CDH13: variants seen among roughly 807,000 people sequenced by gnomAD.
CDH13 encodes the protein cadherin-13.
A neutral mutation model predicts 63.8 loss-of-function variants in CDH13; 24 were observed. The ratio of observed to expected loss-of-function variants is 0.38; its 90% CI spans 0.27 to 0.53. The LOEUF (loss-of-function observed/expected upper bound fraction) is 0.53, where lower values mean the gene tolerates loss of function less well. Among genes scored for constraint, CDH13 ranks in the 20% least tolerant of loss-of-function variants. The pLI, the probability that CDH13 is intolerant of heterozygous loss-of-function variation, is 0.85. For missense variants in CDH13, 1,049 were observed against 903.1 expected, an observed-to-expected ratio of 1.16 and a Z score of -2.07; for synonymous variants, 503 against 355.3, an observed-to-expected ratio of 1.42 and a Z score of -4.67.
At chr16:82,716,460 G>A (rs760609481) in intron 1 of CDH13, among the ~76,000 whole-genome samples, 1 of 151,548 alleles carries the variant, frequency 6.6e-6, no homozygotes, top group Non-Finnish European at 1.5e-5. Flanking sequence ...GTCACAAATA[G>A]AGCCAAAAGA....
At chr16:83,395,379 G>C (rs8052043) in intron 6 of CDH13, among the ~76,000 whole-genome samples, 4 of 151,772 alleles carry the variant, frequency 2.6e-5, no homozygotes, top group African/African-American at 7.3e-5. Context: ...TTAGACATCC[G>C]AGTTCTTCTG....
intron 6 of CDH13, among the ~76,000 whole-genome samples, chr16:83,405,293 C>T (rs961122283): frequency 1.3e-5 from 2 of 152,148 alleles, no homozygotes; most frequent in Admixed American, 6.5e-5. Context: ...AGTACTAATT[C>T]CTGGGGCCTG....
intron 2 of CDH13, among the ~76,000 whole-genome samples, chr16:82,987,732 C>G (rs141059378): frequency 6.6e-6 from 1 of 152,144 alleles, no homozygotes; most frequent in Admixed American, 6.5e-5. Flanking sequence ...CTGGTTGAAT[C>G]GCAAAGAGTG....
chr16:83,320,422 T>C (rs544446869), intron 5 of CDH13, among the ~76,000 whole-genome samples: 2 of 152,300 alleles, frequency 1.3e-5, no homozygotes, highest in East Asian at 3.9e-4. Flanking sequence ...GTATAAGCTG[T>C]GTTGTCACCC....
At chr16:83,142,792 C>G (rs912658869) in intron 4 of CDH13, among the ~76,000 whole-genome samples, 1 of 152,000 alleles carries the variant, frequency 6.6e-6, no homozygotes, top group African/African-American at 2.4e-5. Context: ...CTCCAGTGGT[C>G]TCTCTACAAG....
intron 5 of CDH13, among the ~76,000 whole-genome samples, chr16:83,233,421 A>G (rs551804193): frequency 1.3e-5 from 2 of 152,252 alleles, no homozygotes; most frequent in Non-Finnish European, 1.5e-5. Context: ...TTAGTTTTCT[A>G]TTTCTGCCCA....
At chr16:83,141,301 C>A (rs1023669873) in intron 4 of CDH13, among the ~76,000 whole-genome samples, 3 of 152,124 alleles carry the variant, frequency 2.0e-5, no homozygotes, top group Non-Finnish European at 2.9e-5. Flanking sequence ...TTGCCTACAC[C>A]CAGTATTCTG....
In CDH13 at chr16:82,627,012, A is replaced by G. The variant is rs1907348390; in HGVS notation, c.-81A>G. 2 of 1,510,686 alleles carry G rather than the reference A, an allele frequency of 1.3e-6. No individual in the cohort carries two copies. The highest frequency in any genetic ancestry group is 1.8e-6 in the Non-Finnish European group (2 of 1,109,346). 93.6% of individuals were successfully genotyped at this position (1,510,686 alleles called of 1,614,324 possible). A position where few individuals can be genotyped will look rare whatever the true frequency, so the allele number is the denominator to read the frequency against. On this transcript the variant is annotated 5_prime_UTR_variant, in exon 1 of 14. Transcript: ENST00000567109. The stretch of plus-strand genomic sequence containing the variant: ...CTGGCGAGGCAGAGCCTCTCCTCAA[A>G]GCCTGGCTCCCACGGAAAATATGCT...
chr16:83,452,179 T>C (rs2072903677), intron 6 of CDH13, among the ~76,000 whole-genome samples: 1 of 152,192 alleles, frequency 6.6e-6, no homozygotes. Context: ...ATTGGAAATA[T>C]TTTCATAAAA....
intron 1 of CDH13, among the ~76,000 whole-genome samples, chr16:82,687,604 C>G (rs967679028): frequency 3.3e-5 from 5 of 152,178 alleles, no homozygotes; most frequent in African/African-American, 1.2e-4. Flanking sequence ...TTCACTATCA[C>G]AAGAACAGCA....
At chr16:83,653,451 T>A (rs1461707457) in intron 8 of CDH13, among the ~76,000 whole-genome samples, 1 of 151,986 alleles carries the variant, frequency 6.6e-6, no homozygotes, top group East Asian at 1.9e-4. Flanking sequence ...GCTGTTTTTT[T>A]TTTTTCCTCC....
At chr16:82,965,230 C>G (rs988164643) in intron 2 of CDH13, among the ~76,000 whole-genome samples, 5 of 152,168 alleles carry the variant, frequency 3.3e-5, no homozygotes, top group Non-Finnish European at 7.3e-5. Context: ...TGTCTTTTTA[C>G]TAATACTTTG....
chr16:82,921,976 T>C (rs2042170069), intron 2 of CDH13, among the ~76,000 whole-genome samples: 1 of 152,194 alleles, frequency 6.6e-6, no homozygotes, highest in African/African-American at 2.4e-5. Context: ...TTTAATTTCT[T>C]CTTGAACCAG....
At chr16:82,832,077 A>G (rs902737933) in intron 1 of CDH13, among the ~76,000 whole-genome samples, 1 of 152,214 alleles carries the variant, frequency 6.6e-6, no homozygotes, top group Non-Finnish European at 1.5e-5. Flanking sequence ...TGTGACCCTT[A>G]TCTTATAATT....
At chr16:82,915,721 C>T (rs188531961) in intron 2 of CDH13, among the ~76,000 whole-genome samples, 5 of 151,924 alleles carry the variant, frequency 3.3e-5, no homozygotes, top group Admixed American at 3.3e-4. Context: ...CTCTCTTAGA[C>T]ATGCTGGTAA....
chr16:82,703,800 C>T (rs1423487724), intron 1 of CDH13, among the ~76,000 whole-genome samples: 1 of 152,084 alleles, frequency 6.6e-6, no homozygotes, highest in African/African-American at 2.4e-5. Flanking sequence ...ACAAGGGCAC[C>T]CATGTACAAC....
intron 1 of CDH13, among the ~76,000 whole-genome samples, chr16:82,713,460 C>T (rs971340848): frequency 1.3e-5 from 2 of 152,194 alleles, no homozygotes; most frequent in Non-Finnish European, 2.9e-5. Context: ...CTTTCCCTGC[C>T]TGCCCCCAGC....
chr16:83,554,595 C>T (rs1211480188), intron 7 of CDH13, among the ~76,000 whole-genome samples: 2 of 152,064 alleles, frequency 1.3e-5, no homozygotes, highest in Non-Finnish European at 2.9e-5. Flanking sequence ...AGGGGAGTCT[C>T]ACACTTGGTT....
At chr16:82,823,729 A>C (rs2151099421) in intron 1 of CDH13, 1 of 152,330 alleles carries the variant, frequency 6.6e-6, no homozygotes, top group South Asian at 2.1e-4. Flanking sequence ...GTGTATTGAA[A>C]GATAAATGTA....
Sources: gnomAD v4.1 joint callset for allele counts (sites outside exome capture counted in the v4.1 genomes callset) on GRCh38, gnomAD v4.1.1 for gene constraint, MANE v1.5 for transcripts, NCBI Gene and HGNC (gene_info 2026-07-23, HGNC 2026-07-21) for gene names.